Variants in HOXC6 observed in about 807,000 individuals in gnomAD.
The protein encoded by HOXC6 is homeobox protein Hox-C6.
In HOXC6, 10 loss-of-function variants were observed where a neutral mutation model predicts 24.0. That is an observed-to-expected ratio of 0.42 (90% CI 0.26 to 0.71). The LOEUF is 0.71. Among genes scored for constraint, HOXC6 ranks in the 30% least tolerant of loss-of-function variants. The probability of loss-of-function intolerance (pLI) is 0.28; values close to 1 mark genes in which losing one functional copy is unlikely to be tolerated. For synonymous variants in HOXC6, 123 were observed against 128.1 expected (o/e 0.96, Z 0.27); for missense variants, 258 against 303.4 (o/e 0.85, Z 1.11).
Position 54,029,777 on chromosome 12 carries a change from G to C in HOXC6, c.523G>C (p.Ala175Pro), listed in dbSNP as rs762610633. ...YLTRRRRIEIANALCLTERQI... is the reference protein window; with the variant it reads ...YLTRRRRIEIPNALCLTERQI... Reference sequence around the variant, plus strand: ...AACGCGGCGCCGGCGCATCGAGATCGCCAACGCGCTTTGCCTGACCGAGCG... The same window carrying C: ...AACGCGGCGCCGGCGCATCGAGATCCCCAACGCGCTTTGCCTGACCGAGCG... Residue 175 changes from alanine to proline, a missense_variant, in exon 2 of 2, where the codon GCC becomes CCC. Physicochemically the swap from Ala to Pro is conservative, Grantham distance 27. Coordinates refer to ENST00000243108, the MANE Select transcript of HOXC6 (RefSeq NM_004503.4). The C allele has an allele frequency of 1.2e-6, 2 of 1,614,008 alleles. No homozygotes were observed. Among genetic ancestry groups the C allele is most frequent in the African/African-American group, 2.7e-5 (2 of 74,906 alleles).
upstream of HOXC6, among the ~76,000 whole-genome samples, chr12:54,024,247 G>A (rs529663789): frequency 6.6e-6 from 1 of 152,260 alleles, no homozygotes; most frequent in South Asian, 2.1e-4. Context: ...GGGGGTGGTG[G>A]GGGCAGGGTC....
chr12:54,027,034 G>C (rs935737173), upstream of HOXC6, among the ~76,000 whole-genome samples: 13 of 151,708 alleles, frequency 8.6e-5, no homozygotes, highest in African/African-American at 2.7e-4. Context: ...TCAACTCAAG[G>C]CATTTTCAGC....
At position 54,029,756 on chromosome 12, in the gene HOXC6, C is replaced by A. The variant is rs759420807; in HGVS notation, c.502C>A (p.Arg168=). ...KEFHFNRYLT[R]RRRIEIANAL... is the part of the protein sequence containing the mutation. Reference sequence around the variant, plus strand: ...ATTTCACTTCAATCGCTACCTAACGCGGCGCCGGCGCATCGAGATCGCCAA... The same window carrying A: ...ATTTCACTTCAATCGCTACCTAACGAGGCGCCGGCGCATCGAGATCGCCAA... Residue 168 remains arginine, a synonymous_variant, in exon 2 of 2, where the codon CGG becomes AGG. Transcript: ENST00000243108. 2 of 1,614,036 alleles carry A rather than the reference C, an allele frequency of 1.2e-6. No individual in the cohort carries two copies. Among genetic ancestry groups the A allele is most frequent in the Non-Finnish European group, 1.7e-6 (2 of 1,180,028 alleles).
chr12:54,025,589 A>G (rs1468936803), upstream of HOXC6, among the ~76,000 whole-genome samples: 2 of 148,732 alleles, frequency 1.3e-5, no homozygotes, highest in African/African-American at 2.5e-5. Flanking sequence ...GGAGGAATTT[A>G]TTTGTATTTC....
upstream of HOXC6, among the ~76,000 whole-genome samples, chr12:54,024,297 C>G (rs1405492734): frequency 6.6e-6 from 1 of 152,156 alleles, no homozygotes; most frequent in African/African-American, 2.4e-5. Context: ...AGCACCCAGG[C>G]CAGGCGCTGA....
chr12:54,025,539 A>T (rs7966202), upstream of HOXC6, among the ~76,000 whole-genome samples: 3 of 23,704 alleles, frequency 1.3e-4, no homozygotes, highest in Non-Finnish European at 2.7e-4. Flanking sequence ...GGGGGGGGGG[A>T]GGTGTTGAAA....
chr12:54,018,654 C>T (rs910149170), intron 1 of HOXC6, among the ~76,000 whole-genome samples: 1 of 152,228 alleles, frequency 6.6e-6, no homozygotes, highest in Non-Finnish European at 1.5e-5. Flanking sequence ...CCCTGCTCCC[C>T]GGCCTGGGTC....
chr12:54,026,250 C>T (rs1940692413), upstream of HOXC6, among the ~76,000 whole-genome samples: 1 of 152,102 alleles, frequency 6.6e-6, no homozygotes, highest in Non-Finnish European at 1.5e-5. Flanking sequence ...GACTTGTTCC[C>T]TAGCTCAGTC....
At position 54,028,825 on chromosome 12, in the gene HOXC6, C is replaced by G; in HGVS notation, c.304C>G (p.Gln102Glu). The change falls in exon 1 of 2, where the codon CAG (glutamine) becomes GAG (glutamate). Residue 102 changes from glutamine to glutamate, a missense_variant. Physicochemically the swap from Gln to Glu is conservative, Grantham distance 29 (BLOSUM62 2). Coordinates refer to ENST00000243108, the MANE Select transcript of HOXC6 (RefSeq NM_004503.4). The stretch of plus-strand genomic sequence containing the variant: ...ACATAACACACAGACCTCAATCGCT[C>G]AGGATTTTAGTTCTGAGCAGGGCAG... ...LGHNTQTSIA[Q>E]DFSSEQGRTA... 1 of 1,614,160 alleles carries G rather than the reference C, an allele frequency of 6.2e-7. No homozygotes were observed. The highest frequency in any genetic ancestry group is 8.5e-7 in the Non-Finnish European group (1 of 1,180,030).
At position 54,028,728 on chromosome 12, in the gene HOXC6, G is replaced by C; in HGVS notation, c.207G>C (p.Pro69=). Residue 69 remains proline (P), a synonymous_variant, in exon 1 of 2, where the codon CCG becomes CCC. Transcript: ENST00000243108. ...ENVVFSSSRG[P]YDYGSNSFYQ... Reference sequence around the variant, plus strand: ...TCGTGTTCAGTTCCAGCCGGGGGCCGTATGACTATGGATCTAATTCCTTTT... The same window carrying C: ...TCGTGTTCAGTTCCAGCCGGGGGCCCTATGACTATGGATCTAATTCCTTTT... The C allele has an allele frequency of 6.2e-7, 1 of 1,614,130 alleles. No homozygotes were observed. The highest frequency in any genetic ancestry group is 8.5e-7 in the Non-Finnish European group (1 of 1,180,024).
At chr12:54,019,354 G>A (rs979552063) in intron 1 of HOXC6, among the ~76,000 whole-genome samples, 22 of 152,198 alleles carry the variant, frequency 1.4e-4, no homozygotes, top group African/African-American at 5.3e-4. Context: ...AGTGGCTGAT[G>A]CCCCGCGGAT....
intron 1 of HOXC6, among the ~76,000 whole-genome samples, chr12:54,023,065 C>T (rs1940522535): frequency 6.6e-6 from 1 of 152,152 alleles, no homozygotes; most frequent in African/African-American, 2.4e-5. Context: ...TCAAGTGTCC[C>T]TAGGCATCTA....
chr12:54,028,954 T>A, intron 1 of HOXC6, 33 bp downstream of exon 1: 1 of 1,568,434 alleles, frequency 6.4e-7, no homozygotes, highest in Non-Finnish European at 8.6e-7. Context: ...ATAAATTAAA[T>A]AAACTGAACT....
chr12:54,030,121 G>A lies in HOXC6; in HGVS notation c.*159G>A. 1.5e-6 allele frequency: 1 copy of A among 675,868 alleles called. No individual in the cohort carries two copies. Among genetic ancestry groups the A allele is most frequent in the Non-Finnish European group, 2.4e-6 (1 of 412,126 alleles). The allele number at this position is 675,868 out of a possible 1,614,324, so 41.9% of individuals were successfully genotyped here. On this transcript the variant is annotated 3_prime_UTR_variant, in exon 2 of 2. Coordinates refer to ENST00000243108, the MANE Select transcript of HOXC6 (RefSeq NM_004503.4). ...AACGTGGACCTGAAAGTCAGCTCTG[G>A]ACCCCCTCCCTCACCGCACAACTCT...
rs61736613 is a variant in HOXC6 at position 54,029,782 on chromosome 12, C to T, written c.528C>T (p.Asn176=). 4.0e-4 allele frequency: 646 copies of T among 1,614,088 alleles called. 2 individuals are homozygous for T. In the African/African-American group the frequency reaches 7.5e-3, roughly 19 times the overall value. ...LTRRRRIEIA[N]ALCLTERQIK... ...GGCGCCGGCGCATCGAGATCGCCAACGCGCTTTGCCTGACCGAGCGACAGA... is the reference window on the plus strand; with the variant it reads ...GGCGCCGGCGCATCGAGATCGCCAATGCGCTTTGCCTGACCGAGCGACAGA... The change falls in exon 2 of 2, where the codon AAC becomes AAT. Residue 176 remains asparagine (N), a synonymous_variant. Transcript: ENST00000243108.
Position 54,030,206 on chromosome 12 carries a change from A to G in HOXC6, c.*244A>G, listed in dbSNP as rs1449536185. On this transcript the variant is annotated 3_prime_UTR_variant, in exon 2 of 2. Coordinates refer to ENST00000243108, the MANE Select transcript of HOXC6 (RefSeq NM_004503.4). ...GCTAGCTCGTTCTCGGCTTGTCTACAGGCCCTTTTCCCCGTCCAGGCCTTG... is the reference window on the plus strand; with the variant it reads ...GCTAGCTCGTTCTCGGCTTGTCTACGGGCCCTTTTCCCCGTCCAGGCCTTG... The G allele has an allele frequency of 4.7e-6, 2 of 428,312 alleles. No individual in the cohort carries two copies. The highest frequency in any genetic ancestry group is 3.9e-5 in the African/African-American group (2 of 50,762). 26.5% of individuals were successfully genotyped at this position (428,312 alleles called of 1,614,324 possible).
At chr12:54,025,106 G>A (rs1353550585), upstream of HOXC6, among the ~76,000 whole-genome samples, 1 of 152,158 alleles carries the variant, frequency 6.6e-6, no homozygotes. Flanking sequence ...ATGGGGTTGG[G>A]GGGTAGTGTT....
In HOXC6 at chr12:54,029,665, C is replaced by T. The variant is rs757948540; in HGVS notation, c.411C>T (p.Tyr137=). 2.2e-5 allele frequency: 36 copies of T among 1,612,186 alleles called. No individual in the cohort carries two copies. The highest frequency in any genetic ancestry group is 2.8e-5 in the Non-Finnish European group (33 of 1,178,674). ...TGCCCGGATCTTTAGGGGTCGGCTA[C>T]GGAGCGGACCGGAGGCGCGGCCGCC... The part of the protein sequence containing the change: ...QRMNSHSGVG[Y]GADRRRGRQI... The change falls in exon 2 of 2, where the codon TAC becomes TAT. Residue 137 remains tyrosine (Y), a synonymous_variant. Transcript: ENST00000243108.
In HOXC6 at chr12:54,029,805, A is replaced by G. The variant is rs1251570174; in HGVS notation, c.551A>G (p.Gln184Arg). Residue 184 changes from glutamine to arginine, a missense_variant, in exon 2 of 2, where the codon CAG becomes CGG. Physicochemically the swap from Gln to Arg is conservative, Grantham distance 43. Coordinates refer to ENST00000243108, the MANE Select transcript of HOXC6 (RefSeq NM_004503.4). Reference protein sequence around the residue: ...IANALCLTERQIKIWFQNRRM... With the variant: ...IANALCLTERRIKIWFQNRRM... Reference sequence around the variant, plus strand: ...AACGCGCTTTGCCTGACCGAGCGACAGATCAAAATCTGGTTCCAGAACCGC... The same window carrying G: ...AACGCGCTTTGCCTGACCGAGCGACGGATCAAAATCTGGTTCCAGAACCGC... The G allele has an allele frequency of 6.2e-7, 1 of 1,614,106 alleles. No homozygotes were observed.
Sources: allele counts gnomAD v4.1 joint callset (sites outside exome capture counted in the v4.1 genomes callset), GRCh38; gene constraint gnomAD v4.1.1; transcripts MANE v1.5; gene names NCBI Gene and HGNC (gene_info 2026-07-23, HGNC 2026-07-21).